OSTN: variants seen among roughly 807,000 people sequenced by gnomAD.
The protein encoded by OSTN is osteocrin.
OSTN carries 9 observed loss-of-function variants against 12.0 expected under a neutral mutation model. The ratio of observed to expected loss-of-function variants is 0.75; its 90% confidence interval spans 0.45 to 1.30. The LOEUF (loss-of-function observed/expected upper bound fraction) is 1.30. Among genes scored for constraint, OSTN ranks in the 50% most tolerant of loss-of-function variants. OSTN has a pLI of 0.00. For missense variants in OSTN, 148 were observed against 152.3 expected, an observed-to-expected ratio of 0.97 and a Z score of 0.15; for synonymous variants, 59 against 56.9, an observed-to-expected ratio of 1.04 and a Z score of -0.16.
intron 4 of OSTN, among the ~76,000 whole-genome samples, chr3:191,261,657 T>C (rs1715812969): frequency 6.6e-6 from 1 of 152,240 alleles, no homozygotes; most frequent in Non-Finnish European, 1.5e-5. Flanking sequence ...TAAAATATTT[T>C]GATTTCCATC....
intron 3 of OSTN, among the ~76,000 whole-genome samples, chr3:191,222,505 C>T (rs1823906): frequency 0.045 from 6,810 of 152,280 alleles, 329 homozygotes; most frequent in Admixed American, 0.14. Flanking sequence ...TGTCCCCCCA[C>T]ATTGTATCTA....
intron 2 of OSTN, among the ~76,000 whole-genome samples, chr3:191,214,819 C>G (rs1334515683): frequency 6.6e-6 from 1 of 152,108 alleles, no homozygotes; most frequent in East Asian, 1.9e-4. Context: ...TCAAAACAAA[C>G]CTGTCCAACA....
At chr3:191,244,394 C>T (rs890320788) in intron 3 of OSTN, among the ~76,000 whole-genome samples, 5 of 151,510 alleles carry the variant, frequency 3.3e-5, no homozygotes, top group South Asian at 2.1e-4. Flanking sequence ...GAATGGAAAA[C>T]GTGGGTTGTT....
At chr3:191,237,837 C>T (rs1715230933) in intron 3 of OSTN, among the ~76,000 whole-genome samples, 1 of 152,144 alleles carries the variant, frequency 6.6e-6, no homozygotes, top group Admixed American at 6.5e-5. Flanking sequence ...ACCTGACTTT[C>T]CTGGTGGGAT....
chr3:191,244,278 C>T (rs906279528), intron 3 of OSTN, among the ~76,000 whole-genome samples: 4 of 151,860 alleles, frequency 2.6e-5, no homozygotes, highest in African/African-American at 9.7e-5. Context: ...TTTAGATTTT[C>T]GTGTGAAAAT....
At chr3:191,251,162 C>A (rs1366455007) in intron 4 of OSTN, among the ~76,000 whole-genome samples, 3 of 143,594 alleles carry the variant, frequency 2.1e-5, no homozygotes, top group African/African-American at 7.3e-5. Flanking sequence ...TATCATTATA[C>A]AAATAAATGG....
chr3:191,243,924 A>T (rs1284718466), intron 3 of OSTN, among the ~76,000 whole-genome samples: 5 of 152,142 alleles, frequency 3.3e-5, no homozygotes, highest in Non-Finnish European at 7.4e-5. Context: ...AGATTCTAAG[A>T]TTATGAAGGA....
At position 191,264,889 on chromosome 3, in the gene OSTN, C is replaced by G; in HGVS notation, c.*2036C>G. 6.6e-6 allele frequency: 1 copy of G among 152,110 alleles called. No individual in the cohort carries two copies. 9.4% of individuals were successfully genotyped at this position (152,110 alleles called of 1,614,324 possible). A position where few individuals can be genotyped will look rare whatever the true frequency, so the allele number is the denominator to read the frequency against. On this transcript the variant is annotated 3_prime_UTR_variant, in exon 5 of 5. Transcript: ENST00000682035. ...CTTTATTTTTTAATTCAAAATTAGA[C>G]TATGACATCCAACTTAATTAAAATA...
At chr3:191,235,653 C>T (rs527434518) in intron 3 of OSTN, among the ~76,000 whole-genome samples, 1 of 152,318 alleles carries the variant, frequency 6.6e-6, no homozygotes, top group African/African-American at 2.4e-5. Context: ...CCCTCATCCT[C>T]ACCCTACTCT....
At chr3:191,249,045 G>A (rs1223374719) in intron 3 of OSTN, among the ~76,000 whole-genome samples, 2 of 152,154 alleles carry the variant, frequency 1.3e-5, no homozygotes. Flanking sequence ...ATCTGTATAT[G>A]TCTAATATTT....
chr3:191,219,015 T>G, intron 3 of OSTN, 54 bp downstream of exon 3: 1 of 1,459,564 alleles, frequency 6.9e-7, no homozygotes, highest in Non-Finnish European at 9.4e-7. Context: ...TCCTTCTGGA[T>G]TCTAAATCTG....
intron 4 of OSTN, among the ~76,000 whole-genome samples, chr3:191,261,840 A>C (rs1031819529): frequency 1.1e-4 from 17 of 152,180 alleles, no homozygotes; most frequent in Admixed American, 5.9e-4. Flanking sequence ...ATTTTGTCTA[A>C]ATGTTCCTAG....
chr3:191,236,976 A>C (rs1261217131), intron 3 of OSTN, among the ~76,000 whole-genome samples: 1 of 152,142 alleles, frequency 6.6e-6, no homozygotes, highest in African/African-American at 2.4e-5. Context: ...TATAAATTAC[A>C]TGCCAGATTG....
intron 3 of OSTN, among the ~76,000 whole-genome samples, chr3:191,231,259 C>T (rs1436281963): frequency 6.6e-6 from 1 of 151,774 alleles, no homozygotes; most frequent in Non-Finnish European, 1.5e-5. Flanking sequence ...CAATTTCAGA[C>T]TTATTTTGAG....
At chr3:191,220,407 G>A (rs1287816178) in intron 3 of OSTN, among the ~76,000 whole-genome samples, 1 of 152,036 alleles carries the variant, frequency 6.6e-6, no homozygotes, top group Non-Finnish European at 1.5e-5. Context: ...TGGTGAAAAA[G>A]AGGAGAAAAA....
rs530770278 is a variant in OSTN at position 191,217,689 on chromosome 3, A to G, written c.103-1058A>G. Among the ~76,000 whole-genome samples the G allele has an allele frequency of 3.9e-5, 6 of 152,374 alleles. No homozygotes were observed. The South Asian group carries it at 1.2e-3, about 32-fold the overall frequency. ...AGTACAAAGTGGCAATATGTGTAAG[A>G]ACCAAACAAGAAATTTTACATGGGG... On this transcript the variant is annotated intron_variant, in intron 2 of 4. Transcript: ENST00000682035.
At chr3:191,255,995 A>G (rs1395627531) in intron 4 of OSTN, among the ~76,000 whole-genome samples, 1 of 152,104 alleles carries the variant, frequency 6.6e-6, no homozygotes, top group African/African-American at 2.4e-5. Flanking sequence ...TCCAGAAAGA[A>G]GCAAACTTTG....
rs1321382472 is a variant in OSTN, at chr3:191,211,531, A to G, written c.1-1002A>G. On this transcript the variant is annotated intron_variant, in intron 1 of 4. Coordinates refer to ENST00000682035, the MANE Select transcript of OSTN (RefSeq NM_198184.2). Reference sequence around the variant, plus strand: ...GTATACACATACCTAGAAGTGAAATAAATGTGTCCTAGGTAAGAGATAAGC... The same window carrying G: ...GTATACACATACCTAGAAGTGAAATGAATGTGTCCTAGGTAAGAGATAAGC... Among the ~76,000 whole-genome samples, 12 of 152,176 alleles carry G rather than the reference A, an allele frequency of 7.9e-5. No homozygotes were observed. The East Asian group carries it at 1.9e-3, about 24-fold the overall frequency.
At chr3:191,201,126 C>G (rs1231051178) in intron 1 of OSTN, among the ~76,000 whole-genome samples, 1 of 152,020 alleles carries the variant, frequency 6.6e-6, no homozygotes, top group African/African-American at 2.4e-5. Context: ...TTAGCTAGCT[C>G]TTTCTCTTCT....
Sources: allele counts gnomAD v4.1 joint callset (sites outside exome capture counted in the v4.1 genomes callset), GRCh38; gene constraint gnomAD v4.1.1; transcripts MANE v1.5; gene names NCBI Gene and HGNC (gene_info 2026-07-23, HGNC 2026-07-21).